SCART1: variants seen among roughly 807,000 people sequenced by gnomAD.
SCART1 encodes the protein scavenger receptor family member expressed on T cells 1.
SCART1 carries 62 observed loss-of-function variants against 36.2 expected under a neutral mutation model. The ratio of observed to expected loss-of-function variants is 1.71; its 90% CI spans 1.40 to 2.12. SCART1 has a LOEUF of 2.12. Ranked by LOEUF, SCART1 falls within the 30% of genes most tolerant of loss-of-function variation. The pLI is 0.00. For missense variants in SCART1, 1,041 were observed against 540.5 expected, an observed-to-expected ratio of 1.93 and a Z score of -9.18; for synonymous variants, 487 against 238.7, an observed-to-expected ratio of 2.04 and a Z score of -9.59.
exon 12 of SCART1, chr10:133,467,853 G>A (rs1428577123): frequency 1.2e-5 from 8 of 682,636 alleles, no homozygotes; most frequent in Non-Finnish European, 1.9e-5. Flanking sequence ...CCAGTTTCAG[G>A]GGAGGTGTCT....
intron 1 of SCART1, among the ~76,000 whole-genome samples, chr10:133,454,569 G>C (rs1047325762): frequency 2.0e-5 from 3 of 151,998 alleles, no homozygotes; most frequent in African/African-American, 7.3e-5. Context: ...GGTGTAGAGA[G>C]GGGGGTCTAG....
intron 6 of SCART1, among the ~76,000 whole-genome samples, chr10:133,460,472 A>ATATATATATATATATATATTTTGTTT (rs1491383921): frequency 5.6e-4 from 5 of 8,918 alleles, no homozygotes; most frequent in Non-Finnish European, 1.5e-3. Context: ...TCCGAAATTC[A>ATATATATATATATATATATTTTGTTT]TATATATATA....
chr10:133,465,926 T>A, intron 9 of SCART1: 1 of 672,204 alleles, frequency 1.5e-6, no homozygotes. Context: ...GCAGCAGTGG[T>A]AACTTTCCCT....
intron 6 of SCART1, 78 bp downstream of exon 6, chr10:133,460,248 T>C (rs1399678247): frequency 9.8e-6 from 4 of 408,004 alleles, no homozygotes; most frequent in African/African-American, 8.2e-5. Flanking sequence ...CAGAACAGCA[T>C]CAAACTATCG....
chr10:133,465,506 C>T (rs1011353174), exon 9 of SCART1: 2 of 520,420 alleles, frequency 3.8e-6, no homozygotes, highest in Non-Finnish European at 6.7e-6. Context: ...GGCTGCCCTG[C>T]GGAGCGGTGG....
intron 3 of SCART1, 196 bp downstream of exon 3, chr10:133,457,771 C>T: frequency 1.8e-6 from 1 of 558,222 alleles, no homozygotes; most frequent in Non-Finnish European, 3.1e-6. Flanking sequence ...TTTCTGGTGG[C>T]CCCACAGAGG....
At chr10:133,465,195 C>G (rs1850749013) in intron 8 of SCART1, 21 bp downstream of exon 8, 1 of 702,844 alleles carries the variant, frequency 1.4e-6, no homozygotes, top group African/African-American at 1.7e-5. Context: ...GTCCTTGTCG[C>G]TGTCCTCCTT....
intron 6 of SCART1, among the ~76,000 whole-genome samples, chr10:133,460,438 G>A (rs1252703844): frequency 4.1e-5 from 6 of 145,606 alleles, no homozygotes; most frequent in Non-Finnish European, 7.5e-5. Flanking sequence ...GCCGTAACCA[G>A]CTCAAGTGCG....
In SCART1 at chr10:133,457,321, C is replaced by T. The variant is rs1013852979; in HGVS notation, c.428C>T (p.Pro143Leu). 6 of 695,544 alleles carry T rather than the reference C, an allele frequency of 8.6e-6. No individual in the cohort carries two copies. In the African/African-American group the frequency reaches 9.4e-5, roughly 11 times the overall value. 43.1% of individuals were successfully genotyped at this position (695,544 alleles called of 1,614,324 possible). ...CTCCGGCTGGTGAAGGGCCGCAGTC[C>T]CTGCGCGGGACTCCCCGAGATCAGA... Residue 143 changes from proline (P) to leucine (L), a missense_variant, in exon 3 of 12, where the codon CCC becomes CTC. Coordinates refer to ENST00000640237, the Ensembl canonical transcript of SCART1.
At chr10:133,465,754 GTTTCCCCCTAATC>G (rs1437138108) in intron 9 of SCART1, 189 bp downstream of exon 9, 11 of 664,804 alleles carry the variant, frequency 1.7e-5, no homozygotes, top group Non-Finnish European at 2.2e-5. Context: ...ACTCCCTGGG[GTTTCCCCCTAATC>G]TTTTTTGGGA....
At chr10:133,457,542 G>A (rs773400899) in exon 3 of SCART1, 9 of 701,948 alleles carry the variant, frequency 1.3e-5, no homozygotes, top group South Asian at 4.4e-5. Context: ...CAGCGGCTGC[G>A]ACCTGCGGCT....
At chr10:133,462,630 G>A (rs990802656) in intron 6 of SCART1, among the ~76,000 whole-genome samples, 1 of 152,222 alleles carries the variant, frequency 6.6e-6, no homozygotes, top group Admixed American at 6.5e-5. Context: ...GCCTTTGGCT[G>A]TGCTCAGCTG....
rs752338253 is a variant in SCART1 at position 133,467,258 on chromosome 10, C to T, written c.2867C>T (p.Pro956Leu). The T allele has an allele frequency of 2.3e-5, 16 of 702,830 alleles. 1 individual carries two copies. The highest frequency in any genetic ancestry group is 8.9e-5 in the South Asian group (6 of 67,584). The allele number at this position is 702,830 out of a possible 1,614,324, so 43.5% of individuals were successfully genotyped here. ...ATCTATGATGTCATTGGGGAAATGC[C>T]GCCAGCAGGACTGTACGAGGAAATC... The change falls in exon 11 of 12, where the codon CCG (proline) becomes CTG (leucine). Residue 956 changes from proline to leucine, a missense_variant. Physicochemically the swap from Pro to Leu is moderately conservative, Grantham distance 98. Coordinates refer to ENST00000640237, the Ensembl canonical transcript of SCART1.
At chr10:133,464,314 G>T in intron 6 of SCART1, 1 of 382,302 alleles carries the variant, frequency 2.6e-6, no homozygotes, top group Non-Finnish European at 4.7e-6. Flanking sequence ...ACCTGGGCGT[G>T]CAGTGAACCT....
intron 3 of SCART1, chr10:133,457,849 G>T: frequency 1.8e-6 from 1 of 550,178 alleles, no homozygotes; most frequent in Admixed American, 3.6e-5. Context: ...AGCTGCCTCA[G>T]CTGTGATCTC....
At chr10:133,459,792 G>T (rs1164853065) in exon 6 of SCART1, 12 of 669,528 alleles carry the variant, frequency 1.8e-5, no homozygotes, top group Non-Finnish European at 3.2e-5. Flanking sequence ...GGACGCCGGC[G>T]TGGTGTGCTC....
exon 3 of SCART1, chr10:133,457,380 C>T (rs1287334548): frequency 7.1e-6 from 5 of 701,916 alleles, no homozygotes; most frequent in Non-Finnish European, 1.3e-5. Flanking sequence ...CTGTGTCCTG[C>T]ATGTGGAGGA....
chr10:133,465,590 G>A (rs1850756599), intron 9 of SCART1, 25 bp downstream of exon 9: 1 of 571,054 alleles, frequency 1.8e-6, no homozygotes, highest in Non-Finnish European at 3.1e-6. Flanking sequence ...GTGGGAAGTC[G>A]GTCATGGGGC....
At chr10:133,457,711 T>A in intron 3 of SCART1, 136 bp downstream of exon 3, 1 of 567,110 alleles carries the variant, frequency 1.8e-6, no homozygotes, top group East Asian at 3.1e-5. Flanking sequence ...GGCGCAGAGG[T>A]GGGAAAGGGC....
Sources: allele counts gnomAD v4.1 joint callset (sites outside exome capture counted in the v4.1 genomes callset), GRCh38; gene constraint gnomAD v4.1.1; transcripts MANE v1.5; gene names NCBI Gene and HGNC (gene_info 2026-07-23, HGNC 2026-07-21).